SHC4: variants seen among roughly 807,000 people sequenced by gnomAD.
SHC4 encodes the protein SHC adaptor protein 4, also known as SHC-transforming protein 4.
In SHC4, 41 loss-of-function variants were observed where a neutral mutation model predicts 69.4. That is an observed-to-expected ratio of 0.59 (90% CI 0.46 to 0.77). The LOEUF (loss-of-function observed/expected upper bound fraction) is 0.77. Ranked by LOEUF, SHC4 falls within the 30% of genes least tolerant of loss-of-function variation. SHC4 has a pLI of 0.00. For missense variants in SHC4, 777 were observed against 783.8 expected, an observed-to-expected ratio of 0.99 and a Z score of 0.10; for synonymous variants, 318 against 299.3, an observed-to-expected ratio of 1.06 and a Z score of -0.64.
intron 1 of SHC4, among the ~76,000 whole-genome samples, chr15:48,943,269 CT>C (rs1387120535): frequency 1.3e-5 from 2 of 152,180 alleles, no homozygotes; most frequent in African/African-American, 4.8e-5. Flanking sequence ...CTCCCGCTCC[CT>C]GGCCCTTGTA....
chr15:48,907,641 T>C (rs1900429815), intron 2 of SHC4, among the ~76,000 whole-genome samples: 1 of 151,972 alleles, frequency 6.6e-6, no homozygotes. Context: ...CTCCCACTTA[T>C]CAGTGAGAAC....
At chr15:48,878,289 G>C (rs1371575371) in intron 4 of SHC4, 3 of 1,613,714 alleles carry the variant, frequency 1.9e-6, no homozygotes, top group South Asian at 2.2e-5. Context: ...AGCGGGAGCC[G>C]GGAGCTATCC....
At chr15:48,921,667 C>T (rs62010885) in intron 2 of SHC4, among the ~76,000 whole-genome samples, 44,772 of 152,108 alleles carry the variant, frequency 0.29, 7,157 homozygotes, top group East Asian at 0.43. Context: ...GAGTTTAATG[C>T]GTACAGTTTT....
chr15:48,833,918 G>T (rs1248263522), intron 11 of SHC4, among the ~76,000 whole-genome samples: 1 of 152,188 alleles, frequency 6.6e-6, no homozygotes, highest in African/African-American at 2.4e-5. Context: ...AGTGAATTCT[G>T]TGGTTCTCAT....
intron 2 of SHC4, among the ~76,000 whole-genome samples, chr15:48,917,032 G>A (rs1900636366): frequency 6.6e-6 from 1 of 152,050 alleles, no homozygotes; most frequent in African/African-American, 2.4e-5. Context: ...TGTTCTTCAG[G>A]GTTGAAAGTC....
chr15:48,945,308 T>G (rs558743795), intron 1 of SHC4, among the ~76,000 whole-genome samples: 1 of 150,788 alleles, frequency 6.6e-6, no homozygotes, highest in South Asian at 2.1e-4. Context: ...GAATGAAGGC[T>G]CCATTTCCAT....
intron 1 of SHC4, among the ~76,000 whole-genome samples, chr15:48,926,804 T>C (rs559506542): frequency 3.3e-4 from 50 of 152,288 alleles, no homozygotes; most frequent in African/African-American, 9.4e-4. Context: ...GTAGAACTCC[T>C]TGATGCACCG....
chr15:48,829,875 T>C (rs1237381775), intron 11 of SHC4, among the ~76,000 whole-genome samples: 1 of 152,192 alleles, frequency 6.6e-6, no homozygotes, highest in East Asian at 1.9e-4. Flanking sequence ...GCTGAGATTG[T>C]GCCACTGCAC....
At chr15:48,916,373 T>C (rs770871858) in intron 2 of SHC4, among the ~76,000 whole-genome samples, 50 of 151,972 alleles carry the variant, frequency 3.3e-4, no homozygotes, top group Non-Finnish European at 6.5e-4. Flanking sequence ...AATGTCCTGT[T>C]GAAGCCCAAT....
chr15:48,885,833 C>A (rs1329747549), intron 3 of SHC4, among the ~76,000 whole-genome samples: 1 of 152,194 alleles, frequency 6.6e-6, no homozygotes, highest in Non-Finnish European at 1.5e-5. Flanking sequence ...GGTCTACTTT[C>A]TTTGCTTCTT....
intron 1 of SHC4, among the ~76,000 whole-genome samples, chr15:48,934,499 A>T (rs1319415055): frequency 6.6e-6 from 1 of 152,172 alleles, no homozygotes; most frequent in African/African-American, 2.4e-5. Context: ...GCTGGTGGGA[A>T]TACAACATGG....
chr15:48,920,497 T>C (rs1316017340), intron 2 of SHC4, among the ~76,000 whole-genome samples: 1 of 149,704 alleles, frequency 6.7e-6, no homozygotes, highest in Non-Finnish European at 1.5e-5. Context: ...TATGTAAAAA[T>C]AAAAATCTAC....
chr15:48,910,825 A>C (rs1309693606), intron 2 of SHC4, among the ~76,000 whole-genome samples: 4 of 152,154 alleles, frequency 2.6e-5, no homozygotes, highest in Non-Finnish European at 4.4e-5. Context: ...TTTTGACCCA[A>C]ATGCTCATGC....
chr15:48,898,036 T>C (rs142892883), intron 2 of SHC4, among the ~76,000 whole-genome samples: 15 of 152,328 alleles, frequency 9.8e-5, no homozygotes, highest in African/African-American at 3.1e-4. Context: ...TGCCTTCTTA[T>C]TATGAATGAA....
chr15:48,911,884 G>A (rs904799329), intron 2 of SHC4, among the ~76,000 whole-genome samples: 2 of 152,094 alleles, frequency 1.3e-5, no homozygotes, highest in Non-Finnish European at 2.9e-5. Flanking sequence ...CAAAATTATT[G>A]GCTGATAATT....
intron 1 of SHC4, chr15:48,946,086 A>G (rs1409413349): frequency 6.6e-6 from 1 of 152,222 alleles, no homozygotes; most frequent in Non-Finnish European, 1.5e-5. Flanking sequence ...ATGATTGCCT[A>G]GTGATGTCAA....
At chr15:48,849,529 A>ACC (rs1281740494) in intron 9 of SHC4, among the ~76,000 whole-genome samples, 2 of 152,190 alleles carry the variant, frequency 1.3e-5, no homozygotes, top group Non-Finnish European at 2.9e-5. Context: ...ACAGTGCCTG[A>ACC]CCCATGGGAA....
At chr15:48,873,615 C>G (rs1028944295) in intron 4 of SHC4, among the ~76,000 whole-genome samples, 8 of 152,072 alleles carry the variant, frequency 5.3e-5, no homozygotes, top group African/African-American at 1.9e-4. Flanking sequence ...GTGGTGGGCA[C>G]CTGTAGTCCC....
At chr15:48,842,319 C>G (rs2140972576) in intron 10 of SHC4, among the ~76,000 whole-genome samples, 1 of 152,248 alleles carries the variant, frequency 6.6e-6, no homozygotes, top group South Asian at 2.1e-4. Context: ...AATGCTATCC[C>G]TAACAGAAAC....
Sources: allele counts gnomAD v4.1 joint callset (sites outside exome capture counted in the v4.1 genomes callset), GRCh38; gene constraint gnomAD v4.1.1; transcripts MANE v1.5; gene names NCBI Gene and HGNC (gene_info 2026-07-23, HGNC 2026-07-21).